Variants in PRKAR1A observed in about 807,000 individuals in gnomAD.
PRKAR1A encodes cAMP-dependent protein kinase type I-alpha regulatory subunit.
PRKAR1A carries 3 observed loss-of-function variants against 52.0 expected under a neutral mutation model. The ratio of observed to expected loss-of-function variants is 0.06; its 90% CI spans 0.03 to 0.15. The LOEUF is 0.15. Among genes scored for constraint, PRKAR1A ranks in the 10% least tolerant of loss-of-function variants. The pLI, the probability that PRKAR1A is intolerant of heterozygous loss-of-function variation, is 1.00. For missense variants in PRKAR1A, 240 were observed against 477.4 expected (o/e 0.50, Z 4.63); for synonymous variants, 188 against 168.4 (o/e 1.12, Z -0.90).
At chr17:68,542,151 A>G (rs2086326838) in intron 11 of PRKAR1A, 1 of 1,614,052 alleles carries the variant, frequency 6.2e-7, no homozygotes, top group Non-Finnish European at 8.5e-7. Context: ...TTGGCGAAGA[A>G]GCACACGTTG....
At chr17:68,472,821 C>G in the PRKAR1A span, among the ~76,000 whole-genome samples, 1 of 151,954 alleles carries the variant, frequency 6.6e-6, no homozygotes, top group Non-Finnish European at 1.5e-5. Flanking sequence ...TGGCATGCCA[C>G]TGTAATTCCA....
At chr17:68,429,432 A>G in the PRKAR1A span, among the ~76,000 whole-genome samples, 1 of 152,210 alleles carries the variant, frequency 6.6e-6, no homozygotes, top group East Asian at 1.9e-4. Context: ...GGCTTTTTAC[A>G]TAATTACATA....
At chr17:68,551,043 G>A (rs2086811461) in intron 11 of PRKAR1A, 2 of 1,226,010 alleles carry the variant, frequency 1.6e-6, no homozygotes. Context: ...AGCATGACTT[G>A]GGTAACGTGG....
chr17:68,539,304 C>T, intron 11 of PRKAR1A: 2 of 1,612,270 alleles, frequency 1.2e-6, no homozygotes, highest in Non-Finnish European at 1.7e-6. Context: ...ACAACTGTTA[C>T]TTGCCCGTAT....
At chr17:68,475,221 C>T in the PRKAR1A span, among the ~76,000 whole-genome samples, 1 of 152,146 alleles carries the variant, frequency 6.6e-6, no homozygotes, top group Non-Finnish European at 1.5e-5. Flanking sequence ...AAACTTCTAG[C>T]GAATATTATA....
chr17:68,485,918 T>G, the PRKAR1A span, among the ~76,000 whole-genome samples: 1 of 152,090 alleles, frequency 6.6e-6, no homozygotes, highest in Admixed American at 6.5e-5. Context: ...TTTGTATTTT[T>G]AGTAGAGATG....
the PRKAR1A span, among the ~76,000 whole-genome samples, chr17:68,486,969 G>T: frequency 6.6e-6 from 1 of 151,928 alleles, no homozygotes; most frequent in African/African-American, 2.4e-5. Context: ...CGCCTCCCAG[G>T]TTCAAGCAAT....
chr17:68,527,252 G>C (rs77748228), intron 7 of PRKAR1A, among the ~76,000 whole-genome samples: 2,816 of 152,260 alleles, frequency 0.018, 95 homozygotes, highest in African/African-American at 0.064. Flanking sequence ...CTATATAGCT[G>C]GGTAGGGGAG....
At chr17:68,516,435 G>A (rs1649504364) in intron 2 of PRKAR1A, among the ~76,000 whole-genome samples, 1 of 151,594 alleles carries the variant, frequency 6.6e-6, no homozygotes, top group African/African-American at 2.4e-5. Context: ...GTTATGAGGT[G>A]GTTCATAATG....
the PRKAR1A span, among the ~76,000 whole-genome samples, chr17:68,471,591 G>T: frequency 1.3e-5 from 2 of 151,842 alleles, no homozygotes; most frequent in South Asian, 2.1e-4. Context: ...TTTCCGTTCC[G>T]TCTCTCTCTC....
the PRKAR1A span, chr17:68,424,405 G>A: frequency 3.4e-5 from 18 of 532,810 alleles, no homozygotes; most frequent in Admixed American, 1.2e-4. Context: ...AGGGTTCCAC[G>A]GATCTGCGGG....
chr17:68,428,573 G>C, the PRKAR1A span: 1 of 403,262 alleles, frequency 2.5e-6, no homozygotes, highest in East Asian at 5.2e-5. Context: ...GCTCAGGGCT[G>C]TGTTAGGAGC....
chr17:68,420,600 C>A, the PRKAR1A span: 1 of 1,037,156 alleles, frequency 9.6e-7, no homozygotes, highest in Non-Finnish European at 1.4e-6. Context: ...CCTTGCATAT[C>A]CCTTCTGTAT....
chr17:68,468,405 C>T, the PRKAR1A span, among the ~76,000 whole-genome samples: 113,515 of 152,020 alleles, frequency 0.75, 42,774 homozygotes, highest in Middle Eastern at 0.8. Flanking sequence ...AGAACTGGAA[C>T]GAAATGTCCT....
At chr17:68,539,934 T>G (rs528037799) in intron 11 of PRKAR1A, 1 of 1,614,166 alleles carries the variant, frequency 6.2e-7, no homozygotes, top group Admixed American at 1.7e-5. Context: ...CCGAACTTGG[T>G]GAACATCTCA....
intron 2 of PRKAR1A, among the ~76,000 whole-genome samples, chr17:68,517,706 A>T (rs557062400): frequency 6.6e-6 from 1 of 152,322 alleles, no homozygotes; most frequent in African/African-American, 2.4e-5. Flanking sequence ...AAACCATATC[A>T]TTCCACCTCT....
rs138403824 is a variant in PRKAR1A, at chr17:68,541,639, G to A, written c.974-9445G>A. ...CAGGTGTCCCTCCCATGGGATTCTC[G>A]TGTGCTCCCTGGTTATAGCAAGTGC... On this transcript the variant is annotated intron_variant, in intron 11 of 11. Coordinates refer to the PRKAR1A transcript ENST00000585981. 463 of 213,366 alleles carry A rather than the reference G, an allele frequency of 2.2e-3. 2 individuals are homozygous for A. The highest frequency in any genetic ancestry group is 8.1e-3 in the South Asian group (86 of 10,614). The allele number at this position is 213,366 out of a possible 1,614,324, so 13.2% of individuals were successfully genotyped here. A position where few individuals can be genotyped will look rare whatever the true frequency, so the allele number is the denominator to read the frequency against.
At chr17:68,448,752 T>C in the PRKAR1A span, among the ~76,000 whole-genome samples, 3 of 152,232 alleles carry the variant, frequency 2.0e-5, no homozygotes, top group Non-Finnish European at 4.4e-5. Flanking sequence ...TACGGATTAC[T>C]ACTATATGCA....
At chr17:68,472,257 A>G in the PRKAR1A span, among the ~76,000 whole-genome samples, 1 of 152,028 alleles carries the variant, frequency 6.6e-6, no homozygotes, top group Non-Finnish European at 1.5e-5. Context: ...CAGCCTTGCT[A>G]ACTCCCCCAG....
Sources: allele counts gnomAD v4.1 joint callset (sites outside exome capture counted in the v4.1 genomes callset), GRCh38; gene constraint gnomAD v4.1.1; transcripts MANE v1.5; gene names NCBI Gene and HGNC (gene_info 2026-07-23, HGNC 2026-07-21).